Variants in CTNNA1 observed in about 807,000 individuals in gnomAD.
CTNNA1 encodes the protein catenin alpha 1.
Under a neutral mutation model 98.4 loss-of-function variants are expected in CTNNA1, and 37 were observed. That is an observed-to-expected ratio of 0.38 (90% confidence interval 0.29 to 0.49). The LOEUF (loss-of-function observed/expected upper bound fraction) is 0.49. Among genes scored for constraint, CTNNA1 ranks in the 20% least tolerant of loss-of-function variants. The probability of loss-of-function intolerance (pLI) is 0.95; values close to 1 mark genes in which losing one functional copy is unlikely to be tolerated. For synonymous variants in CTNNA1, 404 were observed against 413.2 expected, an observed-to-expected ratio of 0.98 and a Z score of 0.27; for missense variants, 761 against 1,147.2, an observed-to-expected ratio of 0.66 and a Z score of 4.86.
At chr5:138,788,312 C>T (rs370917019) in intron 3 of CTNNA1, among the ~76,000 whole-genome samples, 5 of 152,096 alleles carry the variant, frequency 3.3e-5, no homozygotes, top group Non-Finnish European at 4.4e-5. Context: ...GATTATTCTC[C>T]GAGAAGTACA....
intron 3 of CTNNA1, among the ~76,000 whole-genome samples, chr5:138,807,366 C>G (rs144481113): frequency 8.7e-4 from 132 of 151,922 alleles, no homozygotes; most frequent in African/African-American, 3.1e-3. Flanking sequence ...TCCCTTAACT[C>G]TGCTGCCCAC....
At chr5:138,818,639 G>A (rs1759697211) in intron 5 of CTNNA1, among the ~76,000 whole-genome samples, 1 of 152,106 alleles carries the variant, frequency 6.6e-6, no homozygotes, top group African/African-American at 2.4e-5. Flanking sequence ...AGTAACTTTG[G>A]GTGCCTCAGT....
In CTNNA1 at chr5:138,809,320, A is replaced by G. The variant is rs373326022; in HGVS notation, c.302-718A>G. Among the ~76,000 whole-genome samples the G allele has an allele frequency of 7.2e-5, 11 of 152,228 alleles. 1 individual carries two copies. Among genetic ancestry groups the G allele is most frequent in the African/African-American group, 4.8e-5 (2 of 41,456 alleles). ...ATGTAAAGAGGCCGTGTGTAACCCA[A>G]TGATAACTATTATTTGCCTTTTGAC... On this transcript the variant is annotated intron_variant, in intron 3 of 17. Coordinates refer to ENST00000302763, the MANE Select transcript of CTNNA1 (RefSeq NM_001903.5).
intron 6 of CTNNA1, 25 bp downstream of exon 6, chr5:138,824,824 T>C: frequency 1.2e-6 from 2 of 1,604,368 alleles, no homozygotes; most frequent in Non-Finnish European, 1.7e-6. Flanking sequence ...GGTGGAAATT[T>C]CCAGCTCTTG....
At chr5:138,836,225 A>G (rs939322174) in intron 7 of CTNNA1, among the ~76,000 whole-genome samples, 8 of 152,200 alleles carry the variant, frequency 5.3e-5, no homozygotes, top group Non-Finnish European at 1.5e-5. Flanking sequence ...TACTCCCACC[A>G]TATGGTAACC....
chr5:138,867,647 G>A (rs750201489), intron 7 of CTNNA1, among the ~76,000 whole-genome samples: 2 of 151,792 alleles, frequency 1.3e-5, no homozygotes, highest in Admixed American at 6.6e-5. Flanking sequence ...CTTCCTTCTC[G>A]GCCTACTCAA....
chr5:138,867,543 A>T (rs1339641984), intron 7 of CTNNA1, among the ~76,000 whole-genome samples: 3 of 152,172 alleles, frequency 2.0e-5, no homozygotes, highest in African/African-American at 4.8e-5. Flanking sequence ...AGGTCTACTT[A>T]TATGTGGATT....
intron 7 of CTNNA1, chr5:138,871,108 G>C (rs1461665939): frequency 6.6e-6 from 1 of 152,098 alleles, no homozygotes; most frequent in Non-Finnish European, 1.5e-5. Context: ...AAGAAAAATT[G>C]TGATTAAATC....
chr5:138,792,851 T>C (rs2149683199), intron 3 of CTNNA1, among the ~76,000 whole-genome samples: 1 of 152,354 alleles, frequency 6.6e-6, no homozygotes, highest in Middle Eastern at 3.4e-3. Context: ...CTTTTCAGAT[T>C]AGTACAATAA....
chr5:138,822,096 A>G (rs1022411457), intron 5 of CTNNA1, among the ~76,000 whole-genome samples: 3 of 152,186 alleles, frequency 2.0e-5, no homozygotes, highest in Admixed American at 2.0e-4. Context: ...TATCCCTCAT[A>G]CTTTGTAAAT....
intron 7 of CTNNA1, among the ~76,000 whole-genome samples, chr5:138,854,013 T>C (rs558854029): frequency 7.0e-4 from 107 of 152,346 alleles, no homozygotes; most frequent in Non-Finnish European, 1.1e-3. Context: ...AGCCCAATCA[T>C]AGAGCTGGGT....
intron 7 of CTNNA1, among the ~76,000 whole-genome samples, chr5:138,857,568 C>G (rs1028041435): frequency 6.6e-6 from 1 of 152,284 alleles, no homozygotes; most frequent in East Asian, 1.9e-4. Context: ...CCTCCCACCT[C>G]GGCCTCCCAA....
chr5:138,916,862 C>T (rs918487892), intron 10 of CTNNA1, among the ~76,000 whole-genome samples: 1 of 151,966 alleles, frequency 6.6e-6, no homozygotes, highest in African/African-American at 2.4e-5. Flanking sequence ...ACAGCCTCCA[C>T]CTCCTGGGTT....
chr5:138,838,295 G>C (rs1295823396), intron 7 of CTNNA1, among the ~76,000 whole-genome samples: 1 of 152,184 alleles, frequency 6.6e-6, no homozygotes, highest in East Asian at 1.9e-4. Flanking sequence ...GGTAAATTTT[G>C]GAAGATTGTG....
intron 1 of CTNNA1, among the ~76,000 whole-genome samples, chr5:138,777,729 G>A (rs538966264): frequency 6.6e-5 from 10 of 151,246 alleles, no homozygotes; most frequent in African/African-American, 2.4e-4. Context: ...ATGGCGGTGC[G>A]CGCCTGCAAT....
chr5:138,769,657 C>T (rs1326039529), intron 1 of CTNNA1, among the ~76,000 whole-genome samples: 5 of 152,018 alleles, frequency 3.3e-5, no homozygotes, highest in East Asian at 1.9e-4. Flanking sequence ...CTCAGCCTCC[C>T]GAGTTGCTGC....
intron 9 of CTNNA1, among the ~76,000 whole-genome samples, chr5:138,893,356 T>C (rs1581530005): frequency 6.6e-6 from 1 of 152,074 alleles, no homozygotes; most frequent in Admixed American, 6.6e-5. Flanking sequence ...TGCTGCTCAG[T>C]GTCATCATGT....
At chr5:138,756,094 A>G (rs1305367291) in intron 1 of CTNNA1, among the ~76,000 whole-genome samples, 2 of 151,762 alleles carry the variant, frequency 1.3e-5, no homozygotes, top group Non-Finnish European at 2.9e-5. Context: ...GCTGGAGTGC[A>G]GTGGCATAAT....
intron 3 of CTNNA1, among the ~76,000 whole-genome samples, chr5:138,784,572 C>T (rs1755468246): frequency 6.6e-6 from 1 of 152,166 alleles, no homozygotes; most frequent in Admixed American, 6.5e-5. Context: ...TAGAATTCCA[C>T]AGTACTAATT....
Sources: allele counts gnomAD v4.1 joint callset (sites outside exome capture counted in the v4.1 genomes callset), GRCh38; gene constraint gnomAD v4.1.1; transcripts MANE v1.5; gene names NCBI Gene and HGNC (gene_info 2026-07-23, HGNC 2026-07-21).